Variants in LY75 observed in about 807,000 individuals in gnomAD.
LY75 encodes the protein C-type lectin domain family 13 member B.
A neutral mutation model predicts 231.7 loss-of-function variants in LY75; 185 were observed. That is an observed-to-expected ratio of 0.80 (90% CI 0.71 to 0.90). LY75 has a LOEUF of 0.90. LY75 is among the 40% of genes least tolerant of loss of function. The pLI is 0.00. For synonymous variants in LY75, 668 were observed against 689.0 expected (o/e 0.97, Z 0.48); for missense variants, 1,947 against 2,050.2 (o/e 0.95, Z 0.97).
Position 159,891,005 on chromosome 2 carries a change from C to A in LY75, c.638-628G>T, listed in dbSNP as rs1162868710. On this transcript the variant is annotated intron_variant, in intron 3 of 34. Transcript: ENST00000263636. ...TTTGTAGAGTATGCATAATTTCAGA[C>A]AAAGAAACTGCAAGCTGTTTCCTGA... is the stretch of plus-strand genomic sequence containing the variant. Among the ~76,000 whole-genome samples the A allele has an allele frequency of 2.0e-5, 3 of 152,022 alleles. No individual in the cohort carries two copies. In the East Asian group the frequency reaches 5.8e-4, roughly 29 times the overall value.
At chr2:159,875,419 G>T in intron 12 of LY75, 25 bp downstream of exon 12, 1 of 1,605,582 alleles carries the variant, frequency 6.2e-7, no homozygotes, top group Non-Finnish European at 8.5e-7. Context: ...CTTCATTGAA[G>T]GATAGAATGA....
At chr2:159,851,790 A>G (rs1684409481) in intron 21 of LY75, among the ~76,000 whole-genome samples, 1 of 152,228 alleles carries the variant, frequency 6.6e-6, no homozygotes, top group Admixed American at 6.5e-5. Flanking sequence ...CCCAAAAAGT[A>G]GTTTGTGAAA....
chr2:159,880,431 G>A (rs911915081), intron 8 of LY75, among the ~76,000 whole-genome samples: 2 of 152,156 alleles, frequency 1.3e-5, no homozygotes, highest in Non-Finnish European at 2.9e-5. Flanking sequence ...GATTTTTCAG[G>A]TTAAATTGTG....
chr2:159,884,296 A>C (rs1428620764), intron 6 of LY75, among the ~76,000 whole-genome samples: 2 of 152,146 alleles, frequency 1.3e-5, no homozygotes, highest in Non-Finnish European at 2.9e-5. Context: ...GGATGAATAC[A>C]TCCCTCCAGC....
Sources: gnomAD v4.1 joint callset for allele counts (sites outside exome capture counted in the v4.1 genomes callset) on GRCh38, gnomAD v4.1.1 for gene constraint, MANE v1.5 for transcripts, NCBI Gene and HGNC (gene_info 2026-07-23, HGNC 2026-07-21) for gene names.